The following PTDSS1 variants were observed in gnomAD, a reference collection of about 807,000 sequenced individuals.
PTDSS1 encodes the protein PSS-1.
A neutral mutation model predicts 70.5 loss-of-function variants in PTDSS1; 45 were observed. The observed-to-expected ratio is 0.64, with a 90% CI of 0.50 to 0.82. The LOEUF is 0.82. Ranked by LOEUF, PTDSS1 falls within the 40% of genes least tolerant of loss-of-function variation. The pLI is 0.00. For synonymous variants in PTDSS1, 188 were observed against 203.8 expected (o/e 0.92, Z 0.66); for missense variants, 417 against 586.1 (o/e 0.71, Z 2.98).
intron 7 of PTDSS1, among the ~76,000 whole-genome samples, chr8:96,305,577 CT>C (rs1306315091): frequency 6.6e-6 from 1 of 152,212 alleles, no homozygotes; most frequent in Non-Finnish European, 1.5e-5. Context: ...TGGACCAACC[CT>C]TCATACCTAC....
At chr8:96,317,756 A>G (rs964251545) in intron 9 of PTDSS1, among the ~76,000 whole-genome samples, 1 of 126,042 alleles carries the variant, frequency 7.9e-6, no homozygotes, top group African/African-American at 2.5e-5. Context: ...ACAAAAAAAC[A>G]GAAAAAACTT....
chr8:96,269,904 C>T (rs935563998), intron 1 of PTDSS1, among the ~76,000 whole-genome samples: 1 of 152,212 alleles, frequency 6.6e-6, no homozygotes, highest in Non-Finnish European at 1.5e-5. Context: ...GGCATTCAAA[C>T]GTTGTGAACT....
chr8:96,270,555 C>T (rs1810550911), intron 1 of PTDSS1, among the ~76,000 whole-genome samples: 1 of 152,148 alleles, frequency 6.6e-6, no homozygotes, highest in South Asian at 2.1e-4. Context: ...GGTGGGGACA[C>T]CCTCTCTGCT....
intron 6 of PTDSS1, 111 bp from the exon 7 acceptor site, chr8:96,303,929 T>C: frequency 8.3e-7 from 1 of 1,208,752 alleles, no homozygotes; most frequent in Non-Finnish European, 1.2e-6. Flanking sequence ...GCAGTCTCTT[T>C]GTCCTGAGCA....
intron 9 of PTDSS1, among the ~76,000 whole-genome samples, chr8:96,315,407 G>A (rs1208152462): frequency 2.0e-5 from 3 of 152,146 alleles, no homozygotes; most frequent in Non-Finnish European, 2.9e-5. Context: ...CAGAATCCAC[G>A]TGCAGGCTTG....
intron 2 of PTDSS1, among the ~76,000 whole-genome samples, chr8:96,279,855 T>G (rs1168206551): frequency 7.1e-6 from 1 of 140,596 alleles, no homozygotes; most frequent in Non-Finnish European, 1.5e-5. Context: ...ATAAATAAAT[T>G]TTCTTTTCCT....
intron 9 of PTDSS1, among the ~76,000 whole-genome samples, chr8:96,318,499 A>G (rs975197215): frequency 6.6e-6 from 1 of 152,146 alleles, no homozygotes; most frequent in African/African-American, 2.4e-5. Context: ...CATCCTTTTT[A>G]TGTCTCCTCA....
intron 9 of PTDSS1, among the ~76,000 whole-genome samples, chr8:96,318,472 C>T (rs1277209988): frequency 1.3e-5 from 2 of 152,116 alleles, no homozygotes. Context: ...TCACGAAGTC[C>T]GAGCCAAAGA....
intron 7 of PTDSS1, 46 bp downstream of exon 7, chr8:96,304,227 A>G: frequency 6.4e-7 from 1 of 1,567,216 alleles, no homozygotes; most frequent in East Asian, 2.2e-5. Context: ...CAAAAACTAA[A>G]ATAAAAACTT....
chr8:96,288,485 C>T (rs900714633), intron 4 of PTDSS1, among the ~76,000 whole-genome samples: 9 of 151,698 alleles, frequency 5.9e-5, no homozygotes, highest in Non-Finnish European at 8.8e-5. Context: ...CCACTACACC[C>T]GGCTAACTTT....
At position 96,273,353 on chromosome 8, in the gene PTDSS1, C is replaced by A. The variant is rs1251071007; in HGVS notation, c.234C>A (p.Phe78Leu). 1 of 1,612,608 alleles carries A rather than the reference C, an allele frequency of 6.2e-7. No homozygotes were observed. The highest frequency in any genetic ancestry group is 2.2e-5 in the East Asian group (1 of 44,806). Residue 78 changes from phenylalanine to leucine, a missense_variant, in exon 2 of 13, where the codon TTC becomes TTA. Coordinates refer to ENST00000517309, the MANE Select transcript of PTDSS1 (RefSeq NM_014754.3). ...NIWRGILSVI[F>L]FFLIISVLAF... ...GGAGAGGCATCCTCTCTGTTATTTTCTTCTTTCTTATCATCAGTGTGTTAG... is the reference window on the plus strand; with the variant it reads ...GGAGAGGCATCCTCTCTGTTATTTTATTCTTTCTTATCATCAGTGTGTTAG...
At chr8:96,290,582 G>A (rs2130066416) in intron 4 of PTDSS1, among the ~76,000 whole-genome samples, 1 of 152,260 alleles carries the variant, frequency 6.6e-6, no homozygotes, top group Non-Finnish European at 1.5e-5. Context: ...GTTCTAACTG[G>A]TGCTAAAACA....
At chr8:96,306,063 A>G (rs1413322514) in intron 7 of PTDSS1, among the ~76,000 whole-genome samples, 1 of 152,230 alleles carries the variant, frequency 6.6e-6, no homozygotes, top group Non-Finnish European at 1.5e-5. Context: ...GTAAGGCAGC[A>G]TAGGTGTTCT....
At position 96,334,064 on chromosome 8, in the gene PTDSS1, T is replaced by C; in HGVS notation, c.*498T>C. On this transcript the variant is annotated 3_prime_UTR_variant, in exon 13 of 13. Coordinates refer to ENST00000517309, the MANE Select transcript of PTDSS1 (RefSeq NM_014754.3). ...GTTACTGTTGTTATTTGTTTTTAAG[T>C]TAGGATGCTTTTTAACAGCCTTTAG... 1 of 399,570 alleles carries C rather than the reference T, an allele frequency of 2.5e-6. No homozygotes were observed. The highest frequency in any genetic ancestry group is 7.9e-5 in the South Asian group (1 of 12,720). The allele number at this position is 399,570 out of a possible 1,614,324, so 24.8% of individuals were successfully genotyped here.
chr8:96,287,186 C>T (rs755494813), intron 4 of PTDSS1, 40 bp downstream of exon 4: 1 of 1,607,992 alleles, frequency 6.2e-7, no homozygotes, highest in Non-Finnish European at 8.5e-7. Flanking sequence ...AACTCGTAGA[C>T]TCTTTCTTGG....
intron 9 of PTDSS1, among the ~76,000 whole-genome samples, chr8:96,311,776 G>C (rs999562512): frequency 2.0e-5 from 3 of 152,206 alleles, no homozygotes; most frequent in African/African-American, 7.2e-5. Context: ...GATATAGCAG[G>C]AGGGAGAATT....
chr8:96,286,938 C>T (rs1254080432), intron 3 of PTDSS1, 84 bp from the exon 4 acceptor site: 12 of 1,528,894 alleles, frequency 7.8e-6, no homozygotes, highest in Non-Finnish European at 1.1e-5. Context: ...CTGGTTTTGG[C>T]AATGCCATTC....
At chr8:96,283,930 G>A (rs565936270) in intron 2 of PTDSS1, among the ~76,000 whole-genome samples, 179 bp from the exon 3 acceptor site, 34 of 151,596 alleles carry the variant, frequency 2.2e-4, no homozygotes, top group African/African-American at 6.8e-4. Context: ...TCGTTATAAT[G>A]TGGAGAAAAC....
intron 1 of PTDSS1, among the ~76,000 whole-genome samples, chr8:96,271,633 A>G (rs1355440419): frequency 1.3e-5 from 2 of 152,242 alleles, no homozygotes; most frequent in Non-Finnish European, 1.5e-5. Flanking sequence ...ATTGCCCTCC[A>G]TAAAGGTGAT....
Sources: allele counts gnomAD v4.1 joint callset (sites outside exome capture counted in the v4.1 genomes callset), GRCh38; gene constraint gnomAD v4.1.1; transcripts MANE v1.5; gene names NCBI Gene and HGNC (gene_info 2026-07-23, HGNC 2026-07-21).